CNP: variants seen among roughly 807,000 people sequenced by gnomAD.
The protein encoded by CNP is 2',3'-cyclic nucleotide 3' phosphodiesterase.
CNP carries 8 observed loss-of-function variants against 37.9 expected under a neutral mutation model. The observed-to-expected ratio is 0.21, with a 90% CI of 0.12 to 0.38. The LOEUF (loss-of-function observed/expected upper bound fraction) is 0.38, where lower values mean the gene tolerates loss of function less well. Ranked by LOEUF, CNP falls within the 10% of genes least tolerant of loss-of-function variation. CNP has a pLI of 1.00. For synonymous variants in CNP, 237 were observed against 238.3 expected (o/e 0.99, Z 0.05); for missense variants, 457 against 551.0 (o/e 0.83, Z 1.71).
At position 41,968,053 on chromosome 17, in the gene CNP, C is replaced by T. The variant is rs782500417; in HGVS notation, c.4-15C>T. Reference sequence around the variant, plus strand: ...CGAATGACCTGGGCTGACATCTCTTCCCCTCCTTACACAGAACAGAGGCTT... The same window carrying T: ...CGAATGACCTGGGCTGACATCTCTTTCCCTCCTTACACAGAACAGAGGCTT... On this transcript the variant is annotated splice_polypyrimidine_tract_variant and intron_variant, in intron 1 of 3. Coordinates refer to ENST00000393892, the MANE Select transcript of CNP (RefSeq NM_033133.5). The surrounding 1 kb of genome is among the most constrained non-coding windows in gnomAD (Gnocchi z 4.8). 71 of 1,599,890 alleles carry T rather than the reference C, an allele frequency of 4.4e-5. No homozygotes were observed. The highest frequency in any genetic ancestry group is 5.6e-5 in the Non-Finnish European group (66 of 1,171,098).
chr17:41,966,889 T>A lies in CNP; in HGVS notation c.3+2T>A. Reference sequence around the variant, plus strand: ...ACGGTGGCGCCCCTCCTCATCATGGTGAGAGGCCGGGCGGGGCCGGGCACG... The same window carrying A: ...ACGGTGGCGCCCCTCCTCATCATGGAGAGAGGCCGGGCGGGGCCGGGCACG... On this transcript the variant is annotated splice_donor_variant, in intron 1 of 3. Coordinates refer to ENST00000393892, the MANE Select transcript of CNP (RefSeq NM_033133.5). LOFTEE classifies it high-confidence loss of function. 7.4e-7 allele frequency: 1 copy of A among 1,345,756 alleles called. No homozygotes were observed. Among genetic ancestry groups the A allele is most frequent in the Non-Finnish European group, 9.5e-7 (1 of 1,050,746 alleles). 83.4% of individuals were successfully genotyped at this position (1,345,756 alleles called of 1,614,324 possible).
rs551703918 is a variant in CNP, at chr17:41,975,857, G to C, written c.*1933G>C. 6.6e-6 allele frequency: 1 copy of C among 152,238 alleles called. No homozygotes were observed. Among genetic ancestry groups the C allele is most frequent in the African/African-American group, 2.4e-5 (1 of 41,466 alleles). The allele number at this position is 152,238 out of a possible 1,614,324, so 9.4% of individuals were successfully genotyped here. On this transcript the variant is annotated 3_prime_UTR_variant, in exon 4 of 4. Coordinates refer to ENST00000393892, the MANE Select transcript of CNP (RefSeq NM_033133.5). The stretch of plus-strand genomic sequence containing the variant: ...TCACCTTGAACACCACGCTTGACAG[G>C]ACAGCATGGTGCATGCCGCTGCATC...
Position 41,968,069 on chromosome 17 carries a change from A to G in CNP, c.5A>G (p.Asn2Ser). The G allele has an allele frequency of 2.5e-6, 4 of 1,611,598 alleles. No individual in the cohort carries two copies. Among genetic ancestry groups the G allele is most frequent in the Non-Finnish European group, 3.4e-6 (4 of 1,178,568 alleles). ...ACATCTCTTCCCCTCCTTACACAGA[A>G]CAGAGGCTTCTCCCGAAAAAGCCAC... M[N>S]RGFSRKSHTF... The change falls in exon 2 of 4, where the codon AAC becomes AGC. Residue 2 changes from asparagine to serine, a missense_variant and splice_region_variant. By Grantham distance (46) the Asn-to-Ser change is conservative. Around this residue, in one of 2 missense-constraint regions of CNP, gnomAD observed 166 missense variants for 259.3 expected, o/e 0.64. Coordinates refer to ENST00000393892, the MANE Select transcript of CNP (RefSeq NM_033133.5). This position sits in a 1 kb window ranked among gnomAD's most constrained non-coding sequence, Gnocchi z 4.8.
At chr17:41,970,984 C>G (rs1454759762) in intron 2 of CNP, 1 of 152,212 alleles carries the variant, frequency 6.6e-6, no homozygotes, top group Non-Finnish European at 1.5e-5. Context: ...CATAGGCCTG[C>G]AAGGTGTGTA....
rs550940087 is a variant in CNP, at chr17:41,966,821, G to T, written c.-64G>T. On this transcript the variant is annotated 5_prime_UTR_variant, in exon 1 of 4. Coordinates refer to ENST00000393892, the MANE Select transcript of CNP (RefSeq NM_033133.5). ...CCGCTGGACTCCCGTGTCCCTCCGC[G>T]CAGGCGGGCGGCCCCGGAGCGCTGG... The T allele has an allele frequency of 1.5e-6, 2 of 1,377,880 alleles. No homozygotes were observed. The highest frequency in any genetic ancestry group is 3.1e-5 in the East Asian group (1 of 32,504). The allele number at this position is 1,377,880 out of a possible 1,614,324, so 85.4% of individuals were successfully genotyped here. A position where few individuals can be genotyped will look rare whatever the true frequency, so the allele number is the denominator to read the frequency against.
intron 1 of CNP, 159 bp from the exon 2 acceptor site, chr17:41,967,909 A>C (rs2050926475): frequency 6.9e-7 from 1 of 1,445,652 alleles, no homozygotes; most frequent in African/African-American, 1.4e-5. Context: ...TTCCTCCTCC[A>C]CGACCAGAAG....
intron 3 of CNP, 113 bp from the exon 4 acceptor site, chr17:41,973,362 C>A: frequency 9.9e-7 from 1 of 1,010,422 alleles, no homozygotes; most frequent in Non-Finnish European, 1.5e-6. Context: ...CTCAGCTGTG[C>A]TCACTTCTGT....
rs2051065919 is a variant in CNP at position 41,975,702 on chromosome 17, G to A, written c.*1778G>A. 6.6e-6 allele frequency: 1 copy of A among 152,228 alleles called. No individual in the cohort carries two copies. The highest frequency in any genetic ancestry group is 6.5e-5 in the Admixed American group (1 of 15,282). 9.4% of individuals were successfully genotyped at this position (152,228 alleles called of 1,614,324 possible). ...CTAAGGCACCAGCCGGGGAAGACTT[G>A]AAAGAAAGGGGCAGGAGCTCAGATG... is the stretch of plus-strand genomic sequence containing the variant. On this transcript the variant is annotated 3_prime_UTR_variant, in exon 4 of 4. Coordinates refer to ENST00000393892, the MANE Select transcript of CNP (RefSeq NM_033133.5).
chr17:41,968,845 G>A lies in CNP; in HGVS notation c.676+105G>A, dbSNP rs782684886. On this transcript the variant is annotated intron_variant, in intron 2 of 3. Coordinates refer to ENST00000393892, the MANE Select transcript of CNP (RefSeq NM_033133.5). The surrounding 1 kb of genome is among the most constrained non-coding windows in gnomAD (Gnocchi z 4.8). The stretch of plus-strand genomic sequence containing the variant: ...AAGGATGGAGCACGAAGCAGCAGGA[G>A]GCAGAGAGAGGCTCACCTCAGCGGG... The A allele has an allele frequency of 1.2e-5, 16 of 1,308,932 alleles. No individual in the cohort carries two copies. The highest frequency in any genetic ancestry group is 1.5e-5 in the Non-Finnish European group (15 of 974,202). 81.1% of individuals were successfully genotyped at this position (1,308,932 alleles called of 1,614,324 possible).
chr17:41,969,520 A>G (rs779967496), intron 2 of CNP, among the ~76,000 whole-genome samples: 2 of 152,158 alleles, frequency 1.3e-5, no homozygotes, highest in Non-Finnish European at 2.9e-5. Context: ...TAATCCATCT[A>G]TATGCCTTTA....
intron 2 of CNP, chr17:41,970,700 A>C (rs2050973900): frequency 6.6e-6 from 1 of 152,156 alleles, no homozygotes; most frequent in Non-Finnish European, 1.5e-5. Flanking sequence ...TGTAAAGGAA[A>C]ACTGGATTTT....
chr17:41,968,823 G>A lies in CNP; in HGVS notation c.676+83G>A. 4 of 1,430,980 alleles carry A rather than the reference G, an allele frequency of 2.8e-6. No individual in the cohort carries two copies. The Middle Eastern group carries it at 8.6e-4, about 309-fold the overall frequency. 88.6% of individuals were successfully genotyped at this position (1,430,980 alleles called of 1,614,324 possible). The stretch of plus-strand genomic sequence containing the variant: ...CAAAGGACCATCATTGTACTCAAAG[G>A]ATGGAGCACGAAGCAGCAGGAGGCA... On this transcript the variant is annotated intron_variant, in intron 2 of 3. Transcript: ENST00000393892. The surrounding 1 kb of genome is among the most constrained non-coding windows in gnomAD (Gnocchi z 4.8).
At position 41,977,465 on chromosome 17, in the gene CNP, G is replaced by A; in HGVS notation, c.*3541G>A. 1 of 710,062 alleles carries A rather than the reference G, an allele frequency of 1.4e-6. No individual in the cohort carries two copies. The highest frequency in any genetic ancestry group is 2.4e-6 in the Non-Finnish European group (1 of 423,140). The allele number at this position is 710,062 out of a possible 1,614,324, so 44.0% of individuals were successfully genotyped here. On this transcript the variant is annotated 3_prime_UTR_variant, in exon 4 of 4. Transcript: ENST00000393892. ...CCCTCCTTTCCCAACACTTCAGACT[G>A]CAAGTGAGCAAACCTGCCCCATCCC...
At chr17:41,971,783 G>A in intron 2 of CNP, 109 bp from the exon 3 acceptor site, 1 of 1,424,044 alleles carries the variant, frequency 7.0e-7, no homozygotes, top group Non-Finnish European at 9.7e-7. Context: ...TTGCTGGAGA[G>A]GTGATGCTTA....
At chr17:41,972,969 GAGTCTGACCTC>G (rs1377378479) in intron 3 of CNP, among the ~76,000 whole-genome samples, 1 of 152,190 alleles carries the variant, frequency 6.6e-6, no homozygotes, top group Non-Finnish European at 1.5e-5. Context: ...CATCAAGGGC[GAGTCTGACCTC>G]AGTCTGACCT....
intron 2 of CNP, among the ~76,000 whole-genome samples, chr17:41,969,252 G>A (rs1555643453): frequency 3.3e-5 from 5 of 152,106 alleles, no homozygotes; most frequent in Non-Finnish European, 7.4e-5. Flanking sequence ...TCAGGCCTCG[G>A]ACTGCTCAAT....
At chr17:41,971,295 C>G (rs1442858665) in intron 2 of CNP, 1 of 152,190 alleles carries the variant, frequency 6.6e-6, no homozygotes, top group Non-Finnish European at 1.5e-5. Context: ...GCTAGTAAAT[C>G]TTAGATTCCC....
chr17:41,968,055 C>T lies in CNP; in HGVS notation c.4-13C>T. On this transcript the variant is annotated splice_polypyrimidine_tract_variant and intron_variant, in intron 1 of 3. Coordinates refer to ENST00000393892, the MANE Select transcript of CNP (RefSeq NM_033133.5). The surrounding 1 kb of genome is among the most constrained non-coding windows in gnomAD (Gnocchi z 4.8). The stretch of plus-strand genomic sequence containing the variant: ...AATGACCTGGGCTGACATCTCTTCC[C>T]CTCCTTACACAGAACAGAGGCTTCT... The T allele has an allele frequency of 1.9e-6, 3 of 1,601,022 alleles. No individual in the cohort carries two copies. The South Asian group carries it at 3.4e-5, about 18-fold the overall frequency.
Position 41,977,424 on chromosome 17 carries a change from C to A in CNP, c.*3500C>A. On this transcript the variant is annotated 3_prime_UTR_variant, in exon 4 of 4. Coordinates refer to ENST00000393892, the MANE Select transcript of CNP (RefSeq NM_033133.5). ...CTGAGAACAGATCTCCAAAGCTTTC[C>A]TGGAGAGTCTCACTCCCCTCCTTTC... 1 of 1,088,442 alleles carries A rather than the reference C, an allele frequency of 9.2e-7. No homozygotes were observed. The highest frequency in any genetic ancestry group is 1.5e-5 in the South Asian group (1 of 68,676). 67.4% of individuals were successfully genotyped at this position (1,088,442 alleles called of 1,614,324 possible). A position where few individuals can be genotyped will look rare whatever the true frequency, so the allele number is the denominator to read the frequency against.
Sources: allele counts gnomAD v4.1 joint callset (sites outside exome capture counted in the v4.1 genomes callset), GRCh38; gene constraint gnomAD v4.1.1; regional missense constraint gnomAD v4.1.1; non-coding constraint Gnocchi (gnomAD v3.1); transcripts MANE v1.5; gene names NCBI Gene and HGNC (gene_info 2026-07-23, HGNC 2026-07-21).